Variants in ABHD17C observed in about 807,000 individuals in gnomAD.
ABHD17C encodes abhydrolase domain containing 17C, depalmitoylase.
Under a neutral mutation model 27.9 loss-of-function variants are expected in ABHD17C, and 11 were observed. That is an observed-to-expected ratio of 0.39 (90% CI 0.25 to 0.65). The LOEUF is 0.65. Ranked by LOEUF, ABHD17C falls within the 30% of genes least tolerant of loss-of-function variation. The pLI, the probability that ABHD17C is intolerant of heterozygous loss-of-function variation, is 0.45. For missense variants in ABHD17C, 280 were observed against 470.2 expected, an observed-to-expected ratio of 0.60 and a Z score of 3.74; for synonymous variants, 233 against 209.1, an observed-to-expected ratio of 1.11 and a Z score of -0.98.
intron 1 of ABHD17C, among the ~76,000 whole-genome samples, chr15:80,745,517 G>A (rs905775029): frequency 2.6e-5 from 4 of 151,914 alleles, no homozygotes; most frequent in East Asian, 3.9e-4. Context: ...TACAGGGGAC[G>A]CCACTTTGCC....
intron 1 of ABHD17C, among the ~76,000 whole-genome samples, chr15:80,736,067 AT>A (rs886638954): frequency 1.3e-5 from 2 of 152,232 alleles, no homozygotes; most frequent in African/African-American, 4.8e-5. Context: ...TTTTAATCAA[AT>A]TAGTTAAAAA....
At chr15:80,747,399 G>A (rs780615783) in intron 1 of ABHD17C, among the ~76,000 whole-genome samples, 2 of 152,168 alleles carry the variant, frequency 1.3e-5, no homozygotes, top group African/African-American at 2.4e-5. Context: ...CTCCCAGTCC[G>A]TGAAAGAAGG....
At chr15:80,708,514 G>T (rs570204972) in intron 1 of ABHD17C, among the ~76,000 whole-genome samples, 2 of 152,034 alleles carry the variant, frequency 1.3e-5, no homozygotes, top group Non-Finnish European at 2.9e-5. Context: ...CAGTGTTTTC[G>T]CCATGTTGGC....
intron 1 of ABHD17C, among the ~76,000 whole-genome samples, chr15:80,713,942 ATATT>A (rs1298179953): frequency 3.2e-5 from 4 of 126,850 alleles, no homozygotes; most frequent in East Asian, 2.0e-4. Context: ...ACACACACAT[ATATT>A]TATTTATTTA....
intron 1 of ABHD17C, among the ~76,000 whole-genome samples, chr15:80,740,743 G>C (rs1895198068): frequency 6.6e-6 from 1 of 152,152 alleles, no homozygotes; most frequent in Non-Finnish European, 1.5e-5. Flanking sequence ...AGATTTCAGT[G>C]TCAGAACCTG....
At chr15:80,745,119 C>T (rs1337759474) in intron 1 of ABHD17C, among the ~76,000 whole-genome samples, 1 of 152,126 alleles carries the variant, frequency 6.6e-6, no homozygotes, top group African/African-American at 2.4e-5. Context: ...AGCTTAATGA[C>T]TTATAAAAGG....
intron 1 of ABHD17C, among the ~76,000 whole-genome samples, chr15:80,730,295 G>A (rs1895040860): frequency 6.6e-6 from 1 of 152,192 alleles, no homozygotes; most frequent in South Asian, 2.1e-4. Context: ...GGTTCCTGAA[G>A]TTCCCCGTCC....
At chr15:80,699,626 G>A (rs1319601350) in intron 1 of ABHD17C, among the ~76,000 whole-genome samples, 1 of 152,212 alleles carries the variant, frequency 6.6e-6, no homozygotes, top group East Asian at 1.9e-4. Context: ...TGAAACAGAT[G>A]TAAATACTAC....
intron 1 of ABHD17C, among the ~76,000 whole-genome samples, chr15:80,733,758 G>T (rs1339802858): frequency 6.6e-6 from 1 of 152,134 alleles, no homozygotes; most frequent in Non-Finnish European, 1.5e-5. Context: ...GCACTTGTAT[G>T]AACTCATCCT....
intron 1 of ABHD17C, among the ~76,000 whole-genome samples, chr15:80,749,253 G>A (rs1319984257): frequency 6.6e-6 from 1 of 152,120 alleles, no homozygotes; most frequent in Non-Finnish European, 1.5e-5. Context: ...TATTTAATTA[G>A]CCAGAAAAAT....
At chr15:80,743,915 C>G (rs938706062) in intron 1 of ABHD17C, among the ~76,000 whole-genome samples, 1 of 152,162 alleles carries the variant, frequency 6.6e-6, no homozygotes, top group African/African-American at 2.4e-5. Context: ...TCTGGCTGCT[C>G]CAAAAATACT....
chr15:80,745,493 C>T (rs1895270276), intron 1 of ABHD17C, among the ~76,000 whole-genome samples: 1 of 152,036 alleles, frequency 6.6e-6, no homozygotes, highest in Admixed American at 6.6e-5. Context: ...CTCAGCCTCC[C>T]AAGTAGTTTG....
intron 1 of ABHD17C, among the ~76,000 whole-genome samples, chr15:80,715,435 A>T (rs998986067): frequency 6.6e-6 from 1 of 152,212 alleles, no homozygotes; most frequent in African/African-American, 2.4e-5. Flanking sequence ...TCTGTGCCTC[A>T]GTTTCCTCTT....
intron 1 of ABHD17C, among the ~76,000 whole-genome samples, chr15:80,736,472 A>G (rs974971): frequency 1 from 151,872 of 152,346 alleles, 75,701 homozygotes; most frequent in Middle Eastern, 1. Context: ...TCCTATTTAC[A>G]CACCTGCTTC....
In ABHD17C at chr15:80,755,287, A is replaced by C. The variant is rs991306752; in HGVS notation, c.*917A>C. 3.3e-5 allele frequency: 5 copies of C among 152,210 alleles called. No individual in the cohort carries two copies. Among genetic ancestry groups the C allele is most frequent in the Non-Finnish European group, 7.3e-5 (5 of 68,028 alleles). The allele number at this position is 152,210 out of a possible 1,614,324, so 9.4% of individuals were successfully genotyped here. A position where few individuals can be genotyped will look rare whatever the true frequency, so the allele number is the denominator to read the frequency against. ...ATTTTATAACATTTCCAAGACAAAA[A>C]TTCCAAGTTTATGCTTTGAAGAATT... On this transcript the variant is annotated 3_prime_UTR_variant, in exon 3 of 3. Coordinates refer to ENST00000258884, the MANE Select transcript of ABHD17C (RefSeq NM_021214.2).
At chr15:80,735,415 G>A (rs550641886) in intron 1 of ABHD17C, among the ~76,000 whole-genome samples, 1 of 152,176 alleles carries the variant, frequency 6.6e-6, no homozygotes, top group African/African-American at 2.4e-5. Flanking sequence ...CTACATGCAT[G>A]TGGGATAAGA....
At chr15:80,740,144 C>G (rs1895189319) in intron 1 of ABHD17C, among the ~76,000 whole-genome samples, 1 of 152,176 alleles carries the variant, frequency 6.6e-6, no homozygotes. Flanking sequence ...GCCACCTGCT[C>G]AGACCTGTGG....
At chr15:80,739,984 C>T (rs570827140) in intron 1 of ABHD17C, among the ~76,000 whole-genome samples, 18 of 152,162 alleles carry the variant, frequency 1.2e-4, no homozygotes, top group Non-Finnish European at 2.1e-4. Context: ...ACTAGCTCCC[C>T]GTCTGACTTC....
chr15:80,698,061 CTTTTTTTTT>C (rs34987348), intron 1 of ABHD17C, among the ~76,000 whole-genome samples: 66 of 97,044 alleles, frequency 6.8e-4, no homozygotes, highest in African/African-American at 2.3e-3. Flanking sequence ...TTTTATTTCA[CTTTTTTTTT>C]TTTTTTTTTT....
Sources: allele counts gnomAD v4.1 joint callset (sites outside exome capture counted in the v4.1 genomes callset), GRCh38; gene constraint gnomAD v4.1.1; transcripts MANE v1.5; gene names NCBI Gene and HGNC (gene_info 2026-07-23, HGNC 2026-07-21).